Variants in RGS3 observed in about 807,000 individuals in gnomAD.
RGS3 encodes regulator of G-protein signalling 3.
In RGS3, 80 loss-of-function variants were observed where a neutral mutation model predicts 132.6. That is an observed-to-expected ratio of 0.60 (90% confidence interval 0.50 to 0.73). The LOEUF (loss-of-function observed/expected upper bound fraction) is 0.73. Among genes scored for constraint, RGS3 ranks in the 30% least tolerant of loss-of-function variants. RGS3 has a pLI of 0.00. For synonymous variants in RGS3, 598 were observed against 620.6 expected, an observed-to-expected ratio of 0.96 and a Z score of 0.54; for missense variants, 1,382 against 1,530.8, an observed-to-expected ratio of 0.90 and a Z score of 1.62.
intron 5 of RGS3, among the ~76,000 whole-genome samples, chr9:113,483,735 A>G (rs1226499524): frequency 6.6e-6 from 1 of 152,186 alleles, no homozygotes; most frequent in Non-Finnish European, 1.5e-5. Flanking sequence ...GGTTGAGAAC[A>G]TGGATTTGGG....
At chr9:113,517,297 A>C (rs967039903) in intron 15 of RGS3, 1 of 640,092 alleles carries the variant, frequency 1.6e-6, no homozygotes, top group Non-Finnish European at 2.9e-6. Context: ...CAATGAGTGT[A>C]GCTCTCACGG....
At chr9:113,527,946 G>A (rs1471360047) in intron 17 of RGS3, among the ~76,000 whole-genome samples, 1 of 152,202 alleles carries the variant, frequency 6.6e-6, no homozygotes, top group Non-Finnish European at 1.5e-5. Context: ...GGGCTGTGTA[G>A]TGGTAGGAGT....
In RGS3 at chr9:113,514,448, T is replaced by G; in HGVS notation, c.1478-10T>G. On this transcript the variant is annotated splice_polypyrimidine_tract_variant and intron_variant, in intron 14 of 24. Transcript: ENST00000350696. The stretch of plus-strand genomic sequence containing the variant: ...GAAATGTCTCATAGTCCCCCATCTC[T>G]GTTTCACAGAATCAGGGAGTCCCAG... 1 of 1,610,496 alleles carries G rather than the reference T, an allele frequency of 6.2e-7. No homozygotes were observed. The highest frequency in any genetic ancestry group is 8.5e-7 in the Non-Finnish European group (1 of 1,177,128).
At chr9:113,490,049 A>G (rs1205223977) in intron 7 of RGS3, among the ~76,000 whole-genome samples, 1 of 152,168 alleles carries the variant, frequency 6.6e-6, no homozygotes, top group Non-Finnish European at 1.5e-5. Context: ...ACTGAGGAGA[A>G]CCAGGCCTCA....
intron 24 of RGS3, 37 bp downstream of exon 22, chr9:113,595,802 C>T (rs369166997): frequency 7.6e-5 from 121 of 1,599,258 alleles, no homozygotes; most frequent in Non-Finnish European, 3.5e-5. Flanking sequence ...TCCTCCAATC[C>T]CCAGGGCCCA....
intron 18 of RGS3, among the ~76,000 whole-genome samples, chr9:113,531,794 C>T (rs1832479155): frequency 6.6e-6 from 1 of 152,178 alleles, no homozygotes; most frequent in South Asian, 2.1e-4. Context: ...TTAGTTTTCT[C>T]ATCTGAAAAA....
chr9:113,597,007 C>T (rs1463674876), exon 25 of RGS3: 31 of 1,479,148 alleles, frequency 2.1e-5, no homozygotes, highest in Non-Finnish European at 2.7e-5. Context: ...GTCCCCTGCC[C>T]ACCTGCCTCC....
intron 1 of RGS3, among the ~76,000 whole-genome samples, chr9:113,450,619 G>A (rs1829218450): frequency 6.6e-6 from 1 of 152,084 alleles, no homozygotes; most frequent in Non-Finnish European, 1.5e-5. Context: ...AGAGATCTAG[G>A]AGTCGTTAGA....
intron 17 of RGS3, among the ~76,000 whole-genome samples, chr9:113,523,543 C>T (rs889124673): frequency 3.3e-5 from 5 of 152,184 alleles, no homozygotes; most frequent in African/African-American, 7.2e-5. Flanking sequence ...GGACAGAGAC[C>T]GCAACTCGGC....
rs963467221 is a variant in RGS3, at chr9:113,506,516, C to T, written c.1085+23C>T. 6.5e-7 allele frequency: 1 copy of T among 1,527,346 alleles called. No homozygotes were observed. Among genetic ancestry groups the T allele is most frequent in the East Asian group, 2.3e-5 (1 of 43,048 alleles). 94.6% of individuals were successfully genotyped at this position (1,527,346 alleles called of 1,614,324 possible). A position where few individuals can be genotyped will look rare whatever the true frequency, so the allele number is the denominator to read the frequency against. On this transcript the variant is annotated intron_variant, in intron 12 of 24. Transcript: ENST00000350696. This position sits in a 1 kb window ranked among gnomAD's most constrained non-coding sequence, Gnocchi z 4.7. ...CCGGTGACAGGGGACAGCGGGTGGC[C>T]TGGGGCCTCAGGCTGATGGCACACC... is the stretch of plus-strand genomic sequence containing the variant.
chr9:113,586,971 G>A (rs1169326879), intron 20 of RGS3, among the ~76,000 whole-genome samples: 1 of 152,232 alleles, frequency 6.6e-6, no homozygotes, highest in Non-Finnish European at 1.5e-5. Flanking sequence ...TGGAGGGGGA[G>A]GGGGAGAAGA....
At position 113,594,425 on chromosome 9, in the gene RGS3, C is replaced by A. The variant is rs1011006117; in HGVS notation, c.3081-5C>A. 1.2e-6 allele frequency: 2 copies of A among 1,613,394 alleles called. No homozygotes were observed. The highest frequency in any genetic ancestry group is 2.2e-5 in the South Asian group (2 of 91,022). Reference sequence around the variant, plus strand: ...AGCAACCCTCTTTTCTGCTTCTGTCCCCAGAGCCAAGGACATGAAGAACAA... The same window carrying A: ...AGCAACCCTCTTTTCTGCTTCTGTCACCAGAGCCAAGGACATGAAGAACAA... On this transcript the variant is annotated splice_polypyrimidine_tract_variant and splice_region_variant and intron_variant, in intron 21 of 24. Transcript: ENST00000350696.
intron 19 of RGS3, among the ~76,000 whole-genome samples, chr9:113,571,564 A>G (rs970313754): frequency 3.3e-5 from 5 of 150,856 alleles, no homozygotes; most frequent in Non-Finnish European, 7.4e-5. Context: ...TTCCTATTGG[A>G]TTTTTTTTTC....
chr9:113,462,122 C>T (rs373483569), exon 3 of RGS3: 162 of 1,614,118 alleles, frequency 1.0e-4, no homozygotes, highest in East Asian at 1.1e-4. Flanking sequence ...GCCCTGATAT[C>T]GCTCTGCCCA....
At chr9:113,474,911 T>C (rs114675168) in intron 3 of RGS3, among the ~76,000 whole-genome samples, 180 of 152,258 alleles carry the variant, frequency 1.2e-3, no homozygotes, top group African/African-American at 4.1e-3. Flanking sequence ...CTTCCTTTAT[T>C]TTCTGAGTAT....
chr9:113,472,486 G>A (rs1244571596), intron 3 of RGS3, among the ~76,000 whole-genome samples: 1 of 152,174 alleles, frequency 6.6e-6, no homozygotes, highest in African/African-American at 2.4e-5. Context: ...GGTGAACCTT[G>A]AAAACATTAT....
rs1271867600 is a variant in RGS3, at chr9:113,463,609, G to C, written c.415+1408G>C. 3 of 1,087,056 alleles carry C rather than the reference G, an allele frequency of 2.8e-6. No homozygotes were observed. Among genetic ancestry groups the C allele is most frequent in the Admixed American group, 4.2e-5 (1 of 23,632 alleles). 67.3% of individuals were successfully genotyped at this position (1,087,056 alleles called of 1,614,324 possible). A position where few individuals can be genotyped will look rare whatever the true frequency, so the allele number is the denominator to read the frequency against. ...GCCTCCCCCACCCCGGCCCAGCTCT[G>C]CTCCGGCAGGTGGAACTCTCCCCAT... On this transcript the variant is annotated intron_variant, in intron 3 of 24. Transcript: ENST00000350696. The surrounding 1 kb of genome is among the most constrained non-coding windows in gnomAD (Gnocchi z 4.6).
intron 22 of RGS3, 59 bp from the exon 21 acceptor site, chr9:113,594,860 T>A (rs1178957188): frequency 1.3e-6 from 2 of 1,541,592 alleles, no homozygotes; most frequent in Non-Finnish European, 1.8e-6. Context: ...TGGCCCAGCT[T>A]CCCCCAAGGT....
chr9:113,520,977 C>T lies in RGS3; in HGVS notation c.1759-1953C>T, dbSNP rs192144677. Reference sequence around the variant, plus strand: ...GTCAGCTATACCTGGGTAATGGTCCCTGGCTGTGTGGCCATGGACAGGTCA... The same window carrying T: ...GTCAGCTATACCTGGGTAATGGTCCTTGGCTGTGTGGCCATGGACAGGTCA... On this transcript the variant is annotated intron_variant, in intron 16 of 24. Coordinates refer to ENST00000350696, the Ensembl canonical transcript of RGS3. 7.4e-4 allele frequency among the ~76,000 whole-genome samples: 112 copies of T among 152,268 alleles called. 1 individual carries two copies. The highest frequency in any genetic ancestry group is 2.4e-3 in the African/African-American group (101 of 41,546).
Sources: allele counts gnomAD v4.1 joint callset (sites outside exome capture counted in the v4.1 genomes callset), GRCh38; gene constraint gnomAD v4.1.1; non-coding constraint Gnocchi (gnomAD v3.1); transcripts MANE v1.5; gene names NCBI Gene and HGNC (gene_info 2026-07-23, HGNC 2026-07-21).